Variants in PTPRD observed in about 807,000 individuals in gnomAD.
The protein encoded by PTPRD is protein tyrosine phosphatase receptor type D, also known as receptor-type tyrosine-protein phosphatase delta.
In PTPRD, 34 loss-of-function variants were observed where a neutral mutation model predicts 214.5. The observed-to-expected ratio is 0.16, with a 90% confidence interval of 0.12 to 0.21. The LOEUF (loss-of-function observed/expected upper bound fraction) is 0.21. Among genes scored for constraint, PTPRD ranks in the 10% least tolerant of loss-of-function variants. The probability of loss-of-function intolerance (pLI) is 1.00; values close to 1 mark genes in which losing one functional copy is unlikely to be tolerated. For missense variants in PTPRD, 2,545 were observed against 2,398.7 expected (o/e 1.06, Z -1.27); for synonymous variants, 1,128 against 845.7 (o/e 1.33, Z -5.79).
At chr9:9,432,054 A>G (rs2083391534) in intron 8 of PTPRD, among the ~76,000 whole-genome samples, 3 of 90,370 alleles carry the variant, frequency 3.3e-5, no homozygotes, top group African/African-American at 1.3e-4. Flanking sequence ...AAGTATAATA[A>G]TAATAATAAT....
chr9:10,053,487 G>T (rs923735854), intron 3 of PTPRD, among the ~76,000 whole-genome samples: 3 of 152,034 alleles, frequency 2.0e-5, no homozygotes, highest in Non-Finnish European at 2.9e-5. Context: ...ACAGAGAGAA[G>T]AAAAAGCTAT....
At chr9:10,467,226 A>G (rs927818495) in intron 2 of PTPRD, among the ~76,000 whole-genome samples, 4 of 152,214 alleles carry the variant, frequency 2.6e-5, no homozygotes, top group African/African-American at 9.6e-5. Context: ...TCTACTCTCA[A>G]TAGTTGTGGG....
chr9:10,087,837 T>C (rs2154195366), intron 3 of PTPRD, among the ~76,000 whole-genome samples: 1 of 151,874 alleles, frequency 6.6e-6, no homozygotes, highest in East Asian at 1.9e-4. Flanking sequence ...AACTTCTTTA[T>C]CTAAAAGTGT....
At chr9:10,519,241 C>T (rs1465436569) in intron 2 of PTPRD, among the ~76,000 whole-genome samples, 1 of 117,992 alleles carries the variant, frequency 8.5e-6, no homozygotes, top group African/African-American at 3.1e-5. Flanking sequence ...TAGAAGAACT[C>T]CTCTCATTTC....
chr9:10,558,983 CCTATTT>C (rs2063232906), intron 2 of PTPRD, among the ~76,000 whole-genome samples: 1 of 152,028 alleles, frequency 6.6e-6, no homozygotes, highest in Admixed American at 6.6e-5. Flanking sequence ...TACTGAAAAT[CCTATTT>C]CTATATTATA....
chr9:10,025,487 TAGAC>T (rs762218117), intron 4 of PTPRD, among the ~76,000 whole-genome samples: 11 of 151,804 alleles, frequency 7.2e-5, no homozygotes, highest in Middle Eastern at 3.4e-3. Flanking sequence ...TACAAACCAT[TAGAC>T]AGCCAGATTT....
intron 10 of PTPRD, among the ~76,000 whole-genome samples, chr9:9,092,502 A>G (rs983868459): frequency 6.6e-6 from 1 of 152,098 alleles, no homozygotes; most frequent in Non-Finnish European, 1.5e-5. Flanking sequence ...TCATAAAGTG[A>G]ATAAATAAGA....
At chr9:8,779,012 T>C (rs539306866) in intron 11 of PTPRD, among the ~76,000 whole-genome samples, 25 of 152,062 alleles carry the variant, frequency 1.6e-4, no homozygotes, top group African/African-American at 5.8e-4. Flanking sequence ...TAAAAGCTTA[T>C]TTAAGATCCA....
intron 7 of PTPRD, among the ~76,000 whole-genome samples, chr9:9,730,858 T>G (rs563579998): frequency 1.5e-3 from 227 of 152,240 alleles, no homozygotes; most frequent in African/African-American, 5.4e-3. Context: ...ATAAAGCACC[T>G]AGCATTGCAC....
chr9:8,963,449 A>C (rs970234369), intron 11 of PTPRD, among the ~76,000 whole-genome samples: 1 of 152,124 alleles, frequency 6.6e-6, no homozygotes, highest in Non-Finnish European at 1.5e-5. Context: ...CACAGAAAAA[A>C]ACATAAACAA....
intron 9 of PTPRD, among the ~76,000 whole-genome samples, chr9:9,295,364 AT>A (rs927388748): frequency 2.0e-5 from 3 of 151,746 alleles, no homozygotes; most frequent in African/African-American, 4.8e-5. Flanking sequence ...TTTTAATACC[AT>A]TTTTTTCTTG....
chr9:10,199,622 T>C (rs1382087864), intron 3 of PTPRD, among the ~76,000 whole-genome samples: 2 of 152,056 alleles, frequency 1.3e-5, no homozygotes, highest in Non-Finnish European at 2.9e-5. Flanking sequence ...TATTATATTA[T>C]TCTCATTTCT....
At chr9:10,460,245 T>A (rs1416626713) in intron 2 of PTPRD, among the ~76,000 whole-genome samples, 1 of 151,916 alleles carries the variant, frequency 6.6e-6, no homozygotes, top group Non-Finnish European at 1.5e-5. Flanking sequence ...CACAAATAAG[T>A]GAAAAGCTAT....
At chr9:8,787,339 G>A (rs923153329) in intron 11 of PTPRD, among the ~76,000 whole-genome samples, 3 of 152,080 alleles carry the variant, frequency 2.0e-5, no homozygotes, top group African/African-American at 7.2e-5. Flanking sequence ...CTGCTTTGAG[G>A]ATTATTATTT....
intron 11 of PTPRD, among the ~76,000 whole-genome samples, chr9:8,959,154 CATTT>C (rs1258942257): frequency 2.6e-5 from 4 of 152,080 alleles, no homozygotes; most frequent in East Asian, 1.9e-4. Context: ...TTCATTCATT[CATTT>C]ATCAAATATT....
Position 8,319,874 on chromosome 9 carries a change from A to C in PTPRD, c.5627T>G (p.Val1876Gly), listed in dbSNP as rs1436122622. The stretch of plus-strand genomic sequence containing the variant: ...TGGTCGTTGTGTTCTTAACATTTTG[A>C]CAGTCTGGAAGATATCTACAACTCC... Reference protein sequence around the residue: ...YEGVVDIFQTVKMLRTQRPAM... With the variant: ...YEGVVDIFQTGKMLRTQRPAM... The change falls in exon 45 of 46, where the codon GTC (valine) becomes GGC (glycine). Residue 1876 changes from valine (V) to glycine (G), a missense_variant. Coordinates refer to ENST00000381196, the MANE Select transcript of PTPRD (RefSeq NM_002839.4). 1 of 1,612,862 alleles carries C rather than the reference A, an allele frequency of 6.2e-7. No individual in the cohort carries two copies. The highest frequency in any genetic ancestry group is 8.5e-7 in the Non-Finnish European group (1 of 1,179,408).
chr9:8,693,711 G>A (rs1451266009), intron 12 of PTPRD, among the ~76,000 whole-genome samples: 2 of 152,194 alleles, frequency 1.3e-5, no homozygotes, highest in Non-Finnish European at 1.5e-5. Context: ...AGCAAGTCCT[G>A]AAACTGCTTT....
chr9:9,448,849 G>T (rs1028729791), intron 8 of PTPRD, among the ~76,000 whole-genome samples: 1 of 152,040 alleles, frequency 6.6e-6, no homozygotes, highest in Non-Finnish European at 1.5e-5. Context: ...AAAAAGCAGG[G>T]TGGCTAATGG....
At chr9:9,403,852 A>G (rs2072027102) in intron 8 of PTPRD, among the ~76,000 whole-genome samples, 1 of 152,094 alleles carries the variant, frequency 6.6e-6, no homozygotes, top group Non-Finnish European at 1.5e-5. Context: ...TACACAGCTA[A>G]ACAAATAAAG....
Sources: gnomAD v4.1 joint callset for allele counts (sites outside exome capture counted in the v4.1 genomes callset) on GRCh38, gnomAD v4.1.1 for gene constraint, MANE v1.5 for transcripts, NCBI Gene and HGNC (gene_info 2026-07-23, HGNC 2026-07-21) for gene names.